The following RXRA variants were observed in gnomAD, a reference collection of about 807,000 sequenced individuals.
The protein encoded by RXRA is retinoid X receptor alpha, also known as retinoic acid receptor RXR-alpha.
In RXRA, 5 loss-of-function variants were observed where a neutral mutation model predicts 44.5. The ratio of observed to expected loss-of-function variants is 0.11; its 90% CI spans 0.06 to 0.24. RXRA has a LOEUF of 0.24. RXRA is among the 10% of genes least tolerant of loss of function. The pLI, the probability that RXRA is intolerant of heterozygous loss-of-function variation, is 1.00. For synonymous variants in RXRA, 291 were observed against 271.4 expected (o/e 1.07, Z -0.71); for missense variants, 412 against 646.5 (o/e 0.64, Z 3.93).
At position 134,419,984 on chromosome 9, in the gene RXRA, C is replaced by T. The variant is rs1461244162; in HGVS notation, c.781-1692C>T. ...CCCGTGTGCCCACTCCTGCAGAGGT[C>T]CCAGCCAGCCCAGGAGGGCTTGAGG... is the stretch of plus-strand genomic sequence containing the variant. On this transcript the variant is annotated intron_variant, in intron 5 of 9. Coordinates refer to ENST00000481739, the MANE Select transcript of RXRA (RefSeq NM_002957.6). Among the ~76,000 whole-genome samples, 6 of 152,180 alleles carry T rather than the reference C, an allele frequency of 3.9e-5. No individual in the cohort carries two copies. The East Asian group carries it at 1.2e-3, about 29-fold the overall frequency.
At chr9:134,393,012 C>G (rs898872543) in intron 1 of RXRA, among the ~76,000 whole-genome samples, 1 of 125,280 alleles carries the variant, frequency 8.0e-6, no homozygotes, top group East Asian at 2.5e-4. Flanking sequence ...CAGGTGGTTA[C>G]TTGGCTTCTT....
Position 134,422,096 on chromosome 9 carries a change from C to T in RXRA, c.910+291C>T, listed in dbSNP as rs559802920. 7.8e-4 allele frequency: 1,054 copies of T among 1,358,960 alleles called. 9 individuals carry two copies. In the South Asian group the frequency reaches 0.012, roughly 15 times the overall value. 84.2% of individuals were successfully genotyped at this position (1,358,960 alleles called of 1,614,324 possible). ...CTCCCCTCTCCCAGGACACTCCCGA[C>T]TCCTGGGACACACTTCTACCTCCCG... On this transcript the variant is annotated intron_variant, in intron 6 of 9. Transcript: ENST00000481739.
chr9:134,357,549 G>A (rs1370601755), intron 1 of RXRA, among the ~76,000 whole-genome samples: 1 of 152,096 alleles, frequency 6.6e-6, no homozygotes, highest in Non-Finnish European at 1.5e-5. Context: ...GTCGTGGGTG[G>A]AGGGTGGGAG....
chr9:134,369,710 T>C (rs917449418), intron 1 of RXRA, among the ~76,000 whole-genome samples: 2 of 152,012 alleles, frequency 1.3e-5, no homozygotes, highest in African/African-American at 4.8e-5. Context: ...TCGGTGGCCT[T>C]GGCGTGTTGA....
rs940640402 is a variant in RXRA, at chr9:134,437,341, C to G, written c.*727C>G. 2 of 152,696 alleles carry G rather than the reference C, an allele frequency of 1.3e-5. No individual in the cohort carries two copies. Among genetic ancestry groups the G allele is most frequent in the Non-Finnish European group, 2.9e-5 (2 of 68,244 alleles). The allele number at this position is 152,696 out of a possible 1,614,324, so 9.5% of individuals were successfully genotyped here. On this transcript the variant is annotated 3_prime_UTR_variant, in exon 10 of 10. Transcript: ENST00000481739. ...AGGCTGCAGGGGCGGGTCACTCACC[C>G]CCCTGTTTTCTCTCTGCCTTGGTGT...
chr9:134,396,540 G>A (rs1473231835), intron 1 of RXRA, among the ~76,000 whole-genome samples: 3 of 152,116 alleles, frequency 2.0e-5, no homozygotes, highest in African/African-American at 7.2e-5. Flanking sequence ...AGGTGGCATA[G>A]GGTTGCAGGG....
At chr9:134,382,585 G>A (rs1218627166) in intron 1 of RXRA, among the ~76,000 whole-genome samples, 2 of 152,198 alleles carry the variant, frequency 1.3e-5, no homozygotes, top group African/African-American at 4.8e-5. Flanking sequence ...AGCAGTAGGT[G>A]TGTGGGATTC....
rs1432486597 is a variant in RXRA at position 134,327,569 on chromosome 9, G to A, written c.28+910G>A. On this transcript the variant is annotated intron_variant, in intron 1 of 9. Transcript: ENST00000481739. The stretch of plus-strand genomic sequence containing the variant: ...GGACGGCAGCCAGGCTGTCAGGCCG[G>A]GTGAAGGATTTGTGCTGAATGGAAA... Among the ~76,000 whole-genome samples the A allele has an allele frequency of 4.6e-5, 7 of 152,186 alleles. No individual in the cohort carries two copies. In the East Asian group the frequency reaches 1.3e-3, roughly 29 times the overall value.
At chr9:134,339,110 C>T (rs532242090) in intron 1 of RXRA, among the ~76,000 whole-genome samples, 3 of 135,872 alleles carry the variant, frequency 2.2e-5, no homozygotes, top group East Asian at 2.0e-4. Flanking sequence ...GGTCACCCCC[C>T]CTGGGGTTGG....
intron 1 of RXRA, among the ~76,000 whole-genome samples, chr9:134,337,248 G>C (rs1175391116): frequency 6.6e-6 from 1 of 152,198 alleles, no homozygotes; most frequent in African/African-American, 2.4e-5. Flanking sequence ...TAGCAGTGTG[G>C]GGGGTCAAGG....
intron 1 of RXRA, among the ~76,000 whole-genome samples, chr9:134,387,696 G>A (rs1430313136): frequency 6.6e-6 from 1 of 152,208 alleles, no homozygotes; most frequent in Non-Finnish European, 1.5e-5. Context: ...CCCGCATTTT[G>A]TGCTGTCAGT....
At chr9:134,360,293 T>G (rs1378355061) in intron 1 of RXRA, among the ~76,000 whole-genome samples, 2 of 152,174 alleles carry the variant, frequency 1.3e-5, no homozygotes, top group Admixed American at 1.3e-4. Flanking sequence ...CGGACTGGCC[T>G]GTCGGGCGGC....
At chr9:134,425,812 CTG>C (rs1424096278) in intron 6 of RXRA, 1 of 985,302 alleles carries the variant, frequency 1.0e-6, no homozygotes, top group African/African-American at 1.7e-5. Flanking sequence ...AGCCGTGACT[CTG>C]GGGGGGCCCT....
rs186557817 is a variant in RXRA, at chr9:134,342,420, G to A, written c.28+15761G>A. On this transcript the variant is annotated intron_variant, in intron 1 of 9. Coordinates refer to ENST00000481739, the MANE Select transcript of RXRA (RefSeq NM_002957.6). The surrounding 1 kb of genome is among the most constrained non-coding windows in gnomAD (Gnocchi z 4.4). ...CACAGCTTGTGGGCATGGAGGGGCCGATCCTTGCCCTTTCCCTGCCAGGAA... is the reference window on the plus strand; with the variant it reads ...CACAGCTTGTGGGCATGGAGGGGCCAATCCTTGCCCTTTCCCTGCCAGGAA... Among the ~76,000 whole-genome samples, 34 of 152,310 alleles carry A rather than the reference G, an allele frequency of 2.2e-4. No homozygotes were observed. Among genetic ancestry groups the A allele is most frequent in the African/African-American group, 7.9e-4 (33 of 41,558 alleles).
intron 1 of RXRA, among the ~76,000 whole-genome samples, chr9:134,385,475 G>A (rs1020246762): frequency 3.9e-5 from 6 of 152,150 alleles, no homozygotes; most frequent in African/African-American, 1.2e-4. Flanking sequence ...TGCCAGGCCC[G>A]GTGACTCCCT....
At chr9:134,373,053 G>C (rs1468732954) in intron 1 of RXRA, among the ~76,000 whole-genome samples, 2 of 152,222 alleles carry the variant, frequency 1.3e-5, no homozygotes, top group Non-Finnish European at 2.9e-5. Flanking sequence ...TTCGTCAGCA[G>C]GGGAGGGGCC....
intron 1 of RXRA, among the ~76,000 whole-genome samples, chr9:134,395,011 A>G (rs2119129329): frequency 6.6e-6 from 1 of 152,282 alleles, no homozygotes; most frequent in South Asian, 2.1e-4. Flanking sequence ...GTCACGTGGA[A>G]CCTGGGGGAC....
At chr9:134,373,491 T>C (rs1830515407) in intron 1 of RXRA, among the ~76,000 whole-genome samples, 1 of 152,244 alleles carries the variant, frequency 6.6e-6, no homozygotes, top group African/African-American at 2.4e-5. Context: ...AGAAGCAGCA[T>C]TGTGTGCTGC....
chr9:134,327,305 T>C (rs1376266138), intron 1 of RXRA, among the ~76,000 whole-genome samples: 1 of 152,002 alleles, frequency 6.6e-6, no homozygotes, highest in African/African-American at 2.4e-5. Context: ...CCAGGCTGGC[T>C]CTCCATTTGT....
Sources: allele counts gnomAD v4.1 joint callset (sites outside exome capture counted in the v4.1 genomes callset), GRCh38; gene constraint gnomAD v4.1.1; non-coding constraint Gnocchi (gnomAD v3.1); transcripts MANE v1.5; gene names NCBI Gene and HGNC (gene_info 2026-07-23, HGNC 2026-07-21).